NYAP2: variants seen among roughly 807,000 people sequenced by gnomAD.
The protein encoded by NYAP2 is neuronal tyrosine-phosphorylated phosphoinositide-3-kinase adaptor 2.
A neutral mutation model predicts 50.4 loss-of-function variants in NYAP2; 23 were observed. That is an observed-to-expected ratio of 0.46 (90% confidence interval 0.33 to 0.65). NYAP2 has a LOEUF of 0.65. NYAP2 is among the 30% of genes least tolerant of loss of function. The pLI is 0.02. For synonymous variants in NYAP2, 394 were observed against 365.2 expected (o/e 1.08, Z -0.90); for missense variants, 885 against 861.0 (o/e 1.03, Z -0.35).
intron 3 of NYAP2, among the ~76,000 whole-genome samples, chr2:225,445,424 G>C (rs918356146): frequency 2.6e-5 from 4 of 151,744 alleles, no homozygotes; most frequent in Non-Finnish European, 4.4e-5. Flanking sequence ...TATTTCTGAT[G>C]CTTAATTTGA....
At chr2:225,588,493 A>C (rs1692429116) in intron 5 of NYAP2, among the ~76,000 whole-genome samples, 1 of 152,196 alleles carries the variant, frequency 6.6e-6, no homozygotes, top group Non-Finnish European at 1.5e-5. Context: ...AGGTCCAGTG[A>C]TACCTAAAAC....
chr2:225,436,680 A>G (rs927213251), intron 3 of NYAP2, among the ~76,000 whole-genome samples: 5 of 151,210 alleles, frequency 3.3e-5, no homozygotes, highest in Non-Finnish European at 7.4e-5. Context: ...AACACATGCT[A>G]CAACCTGACC....
intron 3 of NYAP2, among the ~76,000 whole-genome samples, chr2:225,512,972 A>C (rs968526230): frequency 2.0e-5 from 3 of 150,296 alleles, no homozygotes; most frequent in Non-Finnish European, 4.4e-5. Context: ...ATTTTCTCCA[A>C]TATATTAAGC....
At chr2:225,401,865 A>G (rs937491252) in intron 2 of NYAP2, among the ~76,000 whole-genome samples, 1 of 152,046 alleles carries the variant, frequency 6.6e-6, no homozygotes, top group African/African-American at 2.4e-5. Context: ...CCGAAAAATA[A>G]TGAAATTCTG....
At chr2:225,546,678 C>G (rs1691590784) in intron 4 of NYAP2, among the ~76,000 whole-genome samples, 1 of 152,026 alleles carries the variant, frequency 6.6e-6, no homozygotes, top group Non-Finnish European at 1.5e-5. Context: ...TGGTACTCTG[C>G]CCAACTGTGG....
chr2:225,555,018 C>G (rs1471364056), intron 4 of NYAP2, among the ~76,000 whole-genome samples: 1 of 152,106 alleles, frequency 6.6e-6, no homozygotes, highest in African/African-American at 2.4e-5. Flanking sequence ...AAGATTATAG[C>G]AACATACAGA....
At chr2:225,562,776 C>T (rs1691897915) in intron 4 of NYAP2, among the ~76,000 whole-genome samples, 1 of 152,128 alleles carries the variant, frequency 6.6e-6, no homozygotes, top group Admixed American at 6.6e-5. Context: ...CATGTTAGAG[C>T]TTTCTACTTG....
At chr2:225,490,439 C>T (rs972691882) in intron 3 of NYAP2, among the ~76,000 whole-genome samples, 1 of 152,132 alleles carries the variant, frequency 6.6e-6, no homozygotes, top group Non-Finnish European at 1.5e-5. Context: ...GTATAAAATG[C>T]ATTTTGTAAG....
chr2:225,666,590 T>C, the NYAP2 span, among the ~76,000 whole-genome samples: 4 of 152,292 alleles, frequency 2.6e-5, no homozygotes, highest in East Asian at 1.9e-4. Flanking sequence ...TTTTGATTGA[T>C]AATTGGTTGA....
chr2:225,675,989 AT>A, the NYAP2 span, among the ~76,000 whole-genome samples: 1 of 151,212 alleles, frequency 6.6e-6, no homozygotes, highest in African/African-American at 2.4e-5. Context: ...TTTCACTGGG[AT>A]TTTTTGCTTT....
chr2:225,478,078 A>C (rs1690147759), intron 3 of NYAP2, among the ~76,000 whole-genome samples: 1 of 152,216 alleles, frequency 6.6e-6, no homozygotes, highest in South Asian at 2.1e-4. Flanking sequence ...CATTTAAGGA[A>C]CATAAGTCAT....
At chr2:225,459,134 C>A (rs567750936) in intron 3 of NYAP2, among the ~76,000 whole-genome samples, 8 of 152,276 alleles carry the variant, frequency 5.3e-5, no homozygotes, top group South Asian at 2.1e-4. Context: ...GATTAAAAAT[C>A]TATGTAATAT....
intron 4 of NYAP2, among the ~76,000 whole-genome samples, chr2:225,541,206 A>G (rs1691464668): frequency 6.6e-6 from 1 of 152,028 alleles, no homozygotes; most frequent in Admixed American, 6.6e-5. Context: ...TGTTAGGTGG[A>G]TAGTTTGCAA....
At chr2:225,446,216 G>GTCTGTCTCTCTCTCTC (rs1422980177) in intron 3 of NYAP2, among the ~76,000 whole-genome samples, 1 of 69,664 alleles carries the variant, frequency 1.4e-5, no homozygotes, top group Admixed American at 1.8e-4. Flanking sequence ...CTGTCTGTCT[G>GTCTGTCTCTCTCTCTC]TCTCTCTCTC....
At chr2:225,580,708 G>A (rs978762336) in intron 4 of NYAP2, among the ~76,000 whole-genome samples, 4 of 151,896 alleles carry the variant, frequency 2.6e-5, no homozygotes, top group Non-Finnish European at 4.4e-5. Flanking sequence ...TTATCCTTAA[G>A]CACTTTCAGC....
At chr2:225,430,699 C>A (rs1233510231) in intron 3 of NYAP2, among the ~76,000 whole-genome samples, 11 of 140,952 alleles carry the variant, frequency 7.8e-5, no homozygotes. Flanking sequence ...AGAGGCAGTG[C>A]CCTAACTAGA....
chr2:225,486,426 C>T (rs1690299696), intron 3 of NYAP2, among the ~76,000 whole-genome samples: 1 of 152,148 alleles, frequency 6.6e-6, no homozygotes, highest in Admixed American at 6.5e-5. Flanking sequence ...AGCTTTGATG[C>T]TACTGAGAAT....
intron 3 of NYAP2, among the ~76,000 whole-genome samples, chr2:225,434,228 C>A (rs912795906): frequency 5.3e-5 from 8 of 152,206 alleles, no homozygotes; most frequent in Non-Finnish European, 7.3e-5. Context: ...GCGTCAGAGA[C>A]AACTGCCCCT....
At chr2:225,411,902 G>A (rs909527998) in intron 3 of NYAP2, among the ~76,000 whole-genome samples, 3 of 151,296 alleles carry the variant, frequency 2.0e-5, no homozygotes, top group Non-Finnish European at 4.4e-5. Context: ...ACAACAGAAT[G>A]AAAATAAAGG....
Sources: allele counts gnomAD v4.1 joint callset (sites outside exome capture counted in the v4.1 genomes callset), GRCh38; gene constraint gnomAD v4.1.1; transcripts MANE v1.5; gene names NCBI Gene and HGNC (gene_info 2026-07-23, HGNC 2026-07-21).